GPHN: variants seen among roughly 807,000 people sequenced by gnomAD.
GPHN encodes the protein gephyrin.
In GPHN, 17 loss-of-function variants were observed where a neutral mutation model predicts 95.5. The observed-to-expected ratio is 0.18, with a 90% confidence interval of 0.12 to 0.27. The LOEUF (loss-of-function observed/expected upper bound fraction) is 0.27. GPHN is among the 10% of genes least tolerant of loss of function. The pLI is 1.00. For missense variants in GPHN, 660 were observed against 978.1 expected, an observed-to-expected ratio of 0.67 and a Z score of 4.34; for synonymous variants, 320 against 322.5, an observed-to-expected ratio of 0.99 and a Z score of 0.08.
intron 10 of GPHN, among the ~76,000 whole-genome samples, chr14:67,057,709 C>A (rs1310087369): frequency 6.6e-6 from 1 of 151,836 alleles, no homozygotes; most frequent in Non-Finnish European, 1.5e-5. Context: ...CTTTCTTGTT[C>A]TCTTTCTCTT....
chr14:66,922,577 C>A, intron 6 of GPHN, 89 bp from the exon 7 acceptor site: 1 of 1,054,568 alleles, frequency 9.5e-7, no homozygotes, highest in Non-Finnish European at 1.4e-6. Flanking sequence ...AAATGCAAAT[C>A]CAAAATCACG....
At chr14:66,734,843 A>G (rs1481310353) in intron 2 of GPHN, among the ~76,000 whole-genome samples, 2 of 152,164 alleles carry the variant, frequency 1.3e-5, no homozygotes, top group African/African-American at 4.8e-5. Context: ...GCTTACTTTT[A>G]AAGGTATAAA....
At chr14:67,656,279 A>T in the GPHN span, 1 of 814,336 alleles carries the variant, frequency 1.2e-6, no homozygotes, top group Non-Finnish European at 1.7e-6. Flanking sequence ...ATAAAAATTG[A>T]GAAAAGCATA....
At chr14:66,563,005 C>T (rs961665604) in intron 1 of GPHN, among the ~76,000 whole-genome samples, 2 of 152,140 alleles carry the variant, frequency 1.3e-5, no homozygotes, top group African/African-American at 4.8e-5. Context: ...GATATATTCA[C>T]AGGTTCTAGA....
At chr14:67,459,676 G>A in the GPHN span, among the ~76,000 whole-genome samples, 1 of 152,178 alleles carries the variant, frequency 6.6e-6, no homozygotes, top group African/African-American at 2.4e-5. Flanking sequence ...GACATCACTT[G>A]GGCTTCTGTG....
the GPHN span, among the ~76,000 whole-genome samples, chr14:67,552,766 C>CA: frequency 0.58 from 81,473 of 141,232 alleles, 23,707 homozygotes; most frequent in Non-Finnish European, 0.64. Flanking sequence ...GACTCTGTCT[C>CA]AAAAAAAAAA....
At chr14:66,693,583 C>T (rs2067923857) in intron 2 of GPHN, among the ~76,000 whole-genome samples, 1 of 152,090 alleles carries the variant, frequency 6.6e-6, no homozygotes, top group Non-Finnish European at 1.5e-5. Context: ...TATCCCAGCT[C>T]CAGAAGAGAG....
At chr14:67,283,020 G>C in the GPHN span, among the ~76,000 whole-genome samples, 1 of 152,032 alleles carries the variant, frequency 6.6e-6, no homozygotes, top group African/African-American at 2.4e-5. Flanking sequence ...CTATAAAATT[G>C]TTGTCTTTGA....
At chr14:67,205,160 G>T in the GPHN span, 1 of 1,408,222 alleles carries the variant, frequency 7.1e-7, no homozygotes, top group Admixed American at 2.6e-5. Context: ...CACACTTCTT[G>T]GTTAGCTGAC....
At chr14:66,558,541 C>A (rs2060099561) in intron 1 of GPHN, among the ~76,000 whole-genome samples, 1 of 152,064 alleles carries the variant, frequency 6.6e-6, no homozygotes, top group African/African-American at 2.4e-5. Context: ...GGCCTCCATT[C>A]AATAAGTCTT....
intron 4 of GPHN, chr14:66,842,766 T>C: frequency 7.4e-7 from 1 of 1,348,952 alleles, no homozygotes; most frequent in South Asian, 1.3e-5. Flanking sequence ...TAATAATTTT[T>C]AGTGTTTTGG....
intron 18 of GPHN, among the ~76,000 whole-genome samples, chr14:67,156,608 A>G (rs2081602228): frequency 6.6e-6 from 1 of 152,216 alleles, no homozygotes; most frequent in African/African-American, 2.4e-5. Context: ...GAGGTATAGA[A>G]GAAGGAAAAA....
At chr14:67,702,121 T>A in the GPHN span, among the ~76,000 whole-genome samples, 68,135 of 151,692 alleles carry the variant, frequency 0.45, 17,847 homozygotes, top group Non-Finnish European at 0.61. Context: ...CCAGCTTTTT[T>A]AAAAATTTAA....
At chr14:67,141,051 C>T (rs948872512) in intron 17 of GPHN, among the ~76,000 whole-genome samples, 2 of 151,866 alleles carry the variant, frequency 1.3e-5, no homozygotes, top group African/African-American at 4.8e-5. Flanking sequence ...ACTTTTTTGG[C>T]TGCCTATGCA....
At chr14:67,651,066 CTA>C in the GPHN span, 3 of 1,060,774 alleles carry the variant, frequency 2.8e-6, no homozygotes, top group Non-Finnish European at 4.1e-6. Flanking sequence ...AGTTTCCCCT[CTA>C]TTTTGGTGAC....
intron 3 of GPHN, among the ~76,000 whole-genome samples, chr14:66,794,662 T>C (rs186372691): frequency 1.6e-3 from 241 of 152,342 alleles, no homozygotes; most frequent in Admixed American, 6.9e-3. Context: ...TACTTTTTCT[T>C]TGTTTGATTT....
At chr14:66,614,479 C>T (rs1435770780) in intron 1 of GPHN, among the ~76,000 whole-genome samples, 1 of 151,840 alleles carries the variant, frequency 6.6e-6, no homozygotes, top group Non-Finnish European at 1.5e-5. Context: ...AAAACTTATT[C>T]ACTTATTGTA....
intron 9 of GPHN, among the ~76,000 whole-genome samples, chr14:67,002,088 A>G (rs1224664295): frequency 6.6e-6 from 1 of 151,564 alleles, no homozygotes; most frequent in African/African-American, 2.4e-5. Flanking sequence ...TAATATGTGT[A>G]GCTATTTTCT....
At chr14:67,293,202 TTTA>T in the GPHN span, among the ~76,000 whole-genome samples, 1 of 152,132 alleles carries the variant, frequency 6.6e-6, no homozygotes, top group Non-Finnish European at 1.5e-5. Context: ...TATGGGAGTT[TTTA>T]TTGTTAACAT....
Sources: allele counts gnomAD v4.1 joint callset (sites outside exome capture counted in the v4.1 genomes callset), GRCh38; gene constraint gnomAD v4.1.1; transcripts MANE v1.5; gene names NCBI Gene and HGNC (gene_info 2026-07-23, HGNC 2026-07-21).